The following PGM3 variants were observed in gnomAD, a reference collection of about 807,000 sequenced individuals.
PGM3 encodes the protein phosphoacetylglucosamine mutase.
Under a neutral mutation model 66.2 loss-of-function variants are expected in PGM3, and 40 were observed. The observed-to-expected ratio is 0.60, with a 90% CI of 0.47 to 0.79. The LOEUF (loss-of-function observed/expected upper bound fraction) is 0.79. Ranked by LOEUF, PGM3 falls within the 30% of genes least tolerant of loss-of-function variation. The probability of loss-of-function intolerance (pLI) is 0.00; values close to 1 mark genes in which losing one functional copy is unlikely to be tolerated. For missense variants in PGM3, 537 were observed against 643.4 expected (o/e 0.83, Z 1.79); for synonymous variants, 191 against 224.2 (o/e 0.85, Z 1.32).
intron 4 of PGM3, among the ~76,000 whole-genome samples, chr6:83,183,381 T>TC (rs1788338199): frequency 6.6e-6 from 1 of 152,144 alleles, no homozygotes; most frequent in Non-Finnish European, 1.5e-5. Flanking sequence ...AGGCAAGAAC[T>TC]CCAAGATCTA....
In PGM3 at chr6:83,166,322, G is replaced by A. The variant is rs1240901876; in HGVS notation, c.*2912C>T. On this transcript the variant is annotated 3_prime_UTR_variant, in exon 13 of 13. Coordinates refer to ENST00000513973, the MANE Select transcript of PGM3 (RefSeq NM_015599.3). The stretch of plus-strand genomic sequence containing the variant: ...TCTCAATTGGTCATTATCAATTTCC[G>A]ATGACTGGCCACTGCACTCCTCATC... 2.6e-5 allele frequency: 17 copies of A among 657,358 alleles called. No individual in the cohort carries two copies. Among genetic ancestry groups the A allele is most frequent in the Admixed American group, 9.1e-5 (4 of 43,922 alleles). 40.7% of individuals were successfully genotyped at this position (657,358 alleles called of 1,614,324 possible). A position where few individuals can be genotyped will look rare whatever the true frequency, so the allele number is the denominator to read the frequency against.
At chr6:83,153,218 T>G in the PGM3 span, among the ~76,000 whole-genome samples, 2 of 152,210 alleles carry the variant, frequency 1.3e-5, no homozygotes, top group Non-Finnish European at 2.9e-5. Flanking sequence ...TTTCTAGTAC[T>G]AAATTCACTG....
Position 83,166,395 on chromosome 6 carries a change from C to T in PGM3, c.*2839G>A. 1.4e-6 allele frequency: 1 copy of T among 701,954 alleles called. No homozygotes were observed. The highest frequency in any genetic ancestry group is 2.6e-6 in the Non-Finnish European group (1 of 384,712). 43.5% of individuals were successfully genotyped at this position (701,954 alleles called of 1,614,324 possible). ...CAAAACTTCTTGAGCCATCACGGCACTGTATGTTCATTAGCAGTTCCTGGG... is the reference window on the plus strand; with the variant it reads ...CAAAACTTCTTGAGCCATCACGGCATTGTATGTTCATTAGCAGTTCCTGGG... On this transcript the variant is annotated 3_prime_UTR_variant, in exon 13 of 13. Transcript: ENST00000513973.
intron 1 of PGM3, 46 bp from the exon 2 acceptor site, chr6:83,191,060 T>A (rs755409420): frequency 1.4e-5 from 22 of 1,575,296 alleles, no homozygotes; most frequent in Non-Finnish European, 1.8e-5. Context: ...AGTAATTTCT[T>A]AAGAACCATT....
intron 7 of PGM3, 93 bp from the exon 8 acceptor site, chr6:83,178,849 G>A (rs1352385550): frequency 6.3e-6 from 5 of 790,962 alleles, no homozygotes; most frequent in Non-Finnish European, 1.1e-5. Context: ...AAAATTATCA[G>A]CCAGTTCAGT....
intron 4 of PGM3, among the ~76,000 whole-genome samples, chr6:83,185,632 G>A (rs903544297): frequency 2.6e-5 from 4 of 152,134 alleles, no homozygotes; most frequent in African/African-American, 9.7e-5. Context: ...GGTGGCATGT[G>A]CCTGTAATCC....
chr6:83,157,637 GACCCATTTACAATAGCTGT>G (rs1783099550), downstream of PGM3, among the ~76,000 whole-genome samples: 1 of 152,148 alleles, frequency 6.6e-6, no homozygotes, highest in Admixed American at 6.5e-5. Context: ...ATAGCAGCTG[GACCCATTTACAATAGCTGT>G]AGCAATACCT....
chr6:83,191,239 G>A lies in PGM3; in HGVS notation c.-2-225C>T, dbSNP rs773094385. The A allele has an allele frequency of 4.5e-5, 69 of 1,535,232 alleles. No homozygotes were observed. In the African/African-American group the frequency reaches 8.5e-4, roughly 19 times the overall value. ...TCCACTCCTGGGCAGACTCAGGGCA[G>A]ATAGCAGATTGTCCCCACTCTCCTC... On this transcript the variant is annotated intron_variant, in intron 1 of 12. Transcript: ENST00000513973.
intron 6 of PGM3, 58 bp downstream of exon 6, chr6:83,181,678 G>T: frequency 8.5e-7 from 1 of 1,177,226 alleles, no homozygotes; most frequent in Non-Finnish European, 1.2e-6. Context: ...TAGTTTATAA[G>T]TGAGATTGGC....
At chr6:83,158,236 T>C (rs542251728), downstream of PGM3, among the ~76,000 whole-genome samples, 2 of 152,028 alleles carry the variant, frequency 1.3e-5, no homozygotes, top group Non-Finnish European at 2.9e-5. Flanking sequence ...CTCCTGACCT[T>C]GTGATCTGCC....
At position 83,188,784 on chromosome 6, in the gene PGM3, T is replaced by C. The variant is rs752657453; in HGVS notation, c.219A>G (p.Val73=). The C allele has an allele frequency of 1.2e-5, 20 of 1,613,890 alleles. No homozygotes were observed. In the Admixed American group the frequency reaches 3.3e-4, roughly 27 times the overall value. The part of the protein sequence containing the change: ...ASHNPEEDNG[V]KLVDPLGEML... ...TTTCACCCAAAGGATCAACCAATTT[T>C]ACACCATTGTCTTCCTTAAAAGAAA... is the stretch of plus-strand genomic sequence containing the variant. The change falls in exon 3 of 13, where the codon GTA becomes GTG. Residue 73 remains valine (V), a synonymous_variant. Transcript: ENST00000513973.
At chr6:83,151,828 C>G in the PGM3 span, 2 of 1,532,628 alleles carry the variant, frequency 1.3e-6, no homozygotes, top group Non-Finnish European at 1.8e-6. Flanking sequence ...TACAGAAGTT[C>G]ATAACTAGTG....
chr6:83,170,465 C>T lies in PGM3; in HGVS notation c.1379G>A (p.Arg460Lys). ...TTCAGCATCGGTAGTGCTAATAACT[C>T]TCCTGTCTGCAACCTAAGTGCAAGC... ...RQLKVQVADRRVISTTDAERQ... is the reference protein window; with the variant it reads ...RQLKVQVADRKVISTTDAERQ... The change falls in exon 12 of 13, where the codon AGA (arginine) becomes AAA (lysine). Residue 460 changes from arginine (R) to lysine (K), a missense_variant. Coordinates refer to ENST00000513973, the MANE Select transcript of PGM3 (RefSeq NM_015599.3). 6.2e-7 allele frequency: 1 copy of T among 1,613,916 alleles called. No homozygotes were observed. The highest frequency in any genetic ancestry group is 8.5e-7 in the Non-Finnish European group (1 of 1,179,832).
intron 10 of PGM3, among the ~76,000 whole-genome samples, chr6:83,173,689 C>T (rs1452663866): frequency 2.0e-5 from 3 of 152,122 alleles, no homozygotes; most frequent in African/African-American, 7.2e-5. Context: ...AACGACACTC[C>T]AACCCCAACT....
chr6:83,170,515 A>T, intron 11 of PGM3, 37 bp from the exon 12 acceptor site: 2 of 1,540,524 alleles, frequency 1.3e-6, no homozygotes, highest in Non-Finnish European at 1.8e-6. Context: ...ACTCTATTAC[A>T]CTTCCTTTCA....
rs1785984603 is a variant in PGM3, at chr6:83,167,296, A to G, written c.*1938T>C. The G allele has an allele frequency of 2.0e-6, 2 of 984,940 alleles. No individual in the cohort carries two copies. The highest frequency in any genetic ancestry group is 2.4e-6 in the Non-Finnish European group (2 of 829,600). 61.0% of individuals were successfully genotyped at this position (984,940 alleles called of 1,614,324 possible). A position where few individuals can be genotyped will look rare whatever the true frequency, so the allele number is the denominator to read the frequency against. On this transcript the variant is annotated 3_prime_UTR_variant, in exon 13 of 13. Transcript: ENST00000513973. Reference sequence around the variant, plus strand: ...CCCTATGTTGTTTAGCACAACCCAGAAGGAGACAGCAGTGTCTCCTGAGGG... The same window carrying G: ...CCCTATGTTGTTTAGCACAACCCAGGAGGAGACAGCAGTGTCTCCTGAGGG...
chr6:83,174,624 A>C (rs1224166412), intron 9 of PGM3, 137 bp from the exon 10 acceptor site: 1 of 534,066 alleles, frequency 1.9e-6, no homozygotes, highest in African/African-American at 2.0e-5. Flanking sequence ...CAGCCTTAAA[A>C]TGTATGAAAT....
downstream of PGM3, chr6:83,164,681 A>G (rs755240508): frequency 1.9e-6 from 3 of 1,587,032 alleles, no homozygotes; most frequent in Non-Finnish European, 1.7e-6. Context: ...GGACTTTAAG[A>G]CAGTGATTTT....
At chr6:83,183,553 C>G (rs1296885196) in intron 4 of PGM3, among the ~76,000 whole-genome samples, 1 of 152,106 alleles carries the variant, frequency 6.6e-6, no homozygotes, top group African/African-American at 2.4e-5. Flanking sequence ...TATCTTCAGT[C>G]CGAGGATGAG....
Sources: allele counts gnomAD v4.1 joint callset (sites outside exome capture counted in the v4.1 genomes callset), GRCh38; gene constraint gnomAD v4.1.1; transcripts MANE v1.5; gene names NCBI Gene and HGNC (gene_info 2026-07-23, HGNC 2026-07-21).